ATXN1: variants seen among roughly 807,000 people sequenced by gnomAD.
ATXN1 encodes ataxin-1.
A neutral mutation model predicts 56.4 loss-of-function variants in ATXN1; 8 were observed. That is an observed-to-expected ratio of 0.14 (90% confidence interval 0.08 to 0.26). The LOEUF (loss-of-function observed/expected upper bound fraction) is 0.26. Among genes scored for constraint, ATXN1 ranks in the 10% least tolerant of loss-of-function variants. The pLI is 1.00. For synonymous variants in ATXN1, 514 were observed against 494.6 expected (o/e 1.04, Z -0.52); for missense variants, 987 against 1,106.5 (o/e 0.89, Z 1.53).
chr6:16,566,761 C>T (rs1194693773), intron 4 of ATXN1, among the ~76,000 whole-genome samples: 2 of 152,042 alleles, frequency 1.3e-5, no homozygotes, highest in Non-Finnish European at 2.9e-5. Context: ...GAGGCTGAGG[C>T]AGGAGAATCG....
intron 2 of ATXN1, among the ~76,000 whole-genome samples, chr6:16,668,281 T>C (rs997161447): frequency 2.0e-5 from 3 of 152,032 alleles, no homozygotes; most frequent in African/African-American, 7.3e-5. Context: ...GCCATGTTGG[T>C]GTGCTGCAAC....
At chr6:16,308,853 T>G (rs1430913518) in intron 7 of ATXN1, among the ~76,000 whole-genome samples, 2 of 152,062 alleles carry the variant, frequency 1.3e-5, no homozygotes, top group Non-Finnish European at 2.9e-5. Context: ...CATATAGACT[T>G]TACAAAGACT....
intron 2 of ATXN1, among the ~76,000 whole-genome samples, chr6:16,732,038 T>A (rs1334060714): frequency 6.6e-6 from 1 of 152,180 alleles, no homozygotes; most frequent in South Asian, 2.1e-4. Context: ...TGCCAAGACT[T>A]TTCTAGTTGT....
intron 5 of ATXN1, among the ~76,000 whole-genome samples, chr6:16,489,559 A>C (rs1014970729): frequency 2.6e-5 from 4 of 152,190 alleles, no homozygotes; most frequent in African/African-American, 9.6e-5. Flanking sequence ...ACTAGCTCTC[A>C]TAGCTTCTCA....
At chr6:16,377,508 T>C (rs1762165511) in intron 6 of ATXN1, among the ~76,000 whole-genome samples, 1 of 151,796 alleles carries the variant, frequency 6.6e-6, no homozygotes, top group South Asian at 2.1e-4. Flanking sequence ...GTCCGGAGGG[T>C]CAGAGCTGAA....
intron 6 of ATXN1, among the ~76,000 whole-genome samples, chr6:16,460,396 AC>A (rs1325047936): frequency 1.3e-5 from 2 of 152,222 alleles, no homozygotes; most frequent in Non-Finnish European, 2.9e-5. Context: ...CTCACTGTTT[AC>A]GGGTAGTTGT....
chr6:16,395,289 A>AAAAC (rs1561879485), intron 6 of ATXN1, among the ~76,000 whole-genome samples: 1 of 150,184 alleles, frequency 6.7e-6, no homozygotes, highest in African/African-American at 2.5e-5. Flanking sequence ...AAAAAAAAAA[A>AAAAC]AACAAGAACA....
At chr6:16,620,996 G>A (rs750993494) in intron 3 of ATXN1, among the ~76,000 whole-genome samples, 4 of 152,180 alleles carry the variant, frequency 2.6e-5, no homozygotes, top group Non-Finnish European at 4.4e-5. Flanking sequence ...TCTACATCCC[G>A]AAACAAATGA....
intron 6 of ATXN1, among the ~76,000 whole-genome samples, chr6:16,366,547 G>A (rs367898831): frequency 6.6e-5 from 10 of 152,252 alleles, no homozygotes; most frequent in African/African-American, 2.4e-4. Flanking sequence ...TTGGGAGGCC[G>A]AGGCAGGTGG....
At chr6:16,546,489 G>A (rs991461242) in intron 4 of ATXN1, among the ~76,000 whole-genome samples, 2 of 152,092 alleles carry the variant, frequency 1.3e-5, no homozygotes, top group African/African-American at 4.8e-5. Flanking sequence ...CCCTTCAGAC[G>A]TTTTTAACTG....
At chr6:16,521,541 G>A (rs1298985404) in intron 5 of ATXN1, among the ~76,000 whole-genome samples, 1 of 152,264 alleles carries the variant, frequency 6.6e-6, no homozygotes, top group Non-Finnish European at 1.5e-5. Context: ...CTGGGCGACA[G>A]AGGGAGATCC....
chr6:16,719,574 G>C (rs764936797), intron 2 of ATXN1, among the ~76,000 whole-genome samples: 4 of 152,190 alleles, frequency 2.6e-5, no homozygotes, highest in Non-Finnish European at 5.9e-5. Context: ...ACAAGAATAA[G>C]AAGATAAAAA....
At chr6:16,371,176 C>T (rs1331335872) in intron 6 of ATXN1, among the ~76,000 whole-genome samples, 1 of 152,122 alleles carries the variant, frequency 6.6e-6, no homozygotes, top group Non-Finnish European at 1.5e-5. Context: ...AATTTACTTA[C>T]AAGAAGGAAC....
intron 3 of ATXN1, among the ~76,000 whole-genome samples, chr6:16,600,115 T>TTA (rs1762887443): frequency 6.6e-6 from 1 of 152,230 alleles, no homozygotes. Context: ...GGGTCATCCA[T>TTA]TGTATATGTA....
intron 6 of ATXN1, among the ~76,000 whole-genome samples, chr6:16,345,654 C>CTT (rs1489269687): frequency 2.0e-5 from 3 of 152,206 alleles, no homozygotes; most frequent in Non-Finnish European, 2.9e-5. Context: ...GGGAAGCCTA[C>CTT]TTTCTACCTC....
rs924792489 is a variant in ATXN1 at position 16,610,464 on chromosome 6, G to GA, written c.-488-24558dup. ...TACAGGTAACCAGGTCACCAAGGTG[G>GA]AAAAAAAATCAGATTTCTGACAATA... On this transcript the variant is annotated intron_variant, in intron 3 of 7. Transcript: ENST00000436367. Among the ~76,000 whole-genome samples the GA allele has an allele frequency of 6.6e-5, 10 of 151,528 alleles. No individual in the cohort carries two copies. In the South Asian group the frequency reaches 1.9e-3, roughly 28 times the overall value.
At chr6:16,330,362 G>A (rs1760953438) in intron 6 of ATXN1, among the ~76,000 whole-genome samples, 1 of 151,348 alleles carries the variant, frequency 6.6e-6, no homozygotes, top group African/African-American at 2.4e-5. Flanking sequence ...TTTTAGAGGG[G>A]GCAATGATTT....
At chr6:16,620,941 T>G (rs1763309724) in intron 3 of ATXN1, among the ~76,000 whole-genome samples, 1 of 152,226 alleles carries the variant, frequency 6.6e-6, no homozygotes, top group Non-Finnish European at 1.5e-5. Context: ...GGTGACAACC[T>G]CAGCTCTGAA....
chr6:16,527,604 C>A (rs1761419750), intron 4 of ATXN1, among the ~76,000 whole-genome samples: 1 of 152,116 alleles, frequency 6.6e-6, no homozygotes, highest in Non-Finnish European at 1.5e-5. Flanking sequence ...CATCCCTGGT[C>A]CAGCCGATGC....
Sources: allele counts gnomAD v4.1 joint callset (sites outside exome capture counted in the v4.1 genomes callset), GRCh38; gene constraint gnomAD v4.1.1; transcripts MANE v1.5; gene names NCBI Gene and HGNC (gene_info 2026-07-23, HGNC 2026-07-21).